The following KCNIP4 variants were observed in gnomAD, a reference collection of about 807,000 sequenced individuals.
KCNIP4 encodes the protein Kv channel-interacting protein 4.
In KCNIP4, 12 loss-of-function variants were observed where a neutral mutation model predicts 34.0. The observed-to-expected ratio is 0.35, with a 90% confidence interval of 0.23 to 0.57. The LOEUF is 0.57. Ranked by LOEUF, KCNIP4 falls within the 20% of genes least tolerant of loss-of-function variation. The pLI is 0.83. For missense variants in KCNIP4, 238 were observed against 311.7 expected (o/e 0.76, Z 1.78); for synonymous variants, 124 against 102.2 (o/e 1.21, Z -1.29).
rs114684969 is a variant in KCNIP4 at position 21,509,668 on chromosome 4, T to C, written c.61+438903A>G. 9.5e-3 allele frequency among the ~76,000 whole-genome samples: 1,452 copies of C among 152,304 alleles called. 20 individuals are homozygous for C. The highest frequency in any genetic ancestry group is 0.033 in the African/African-American group (1,382 of 41,562). ...GGCTGTTCCTGACTTAATGCCTACATAGCATATCCCTATCTTTAGCTCCTA... is the reference window on the plus strand; with the variant it reads ...GGCTGTTCCTGACTTAATGCCTACACAGCATATCCCTATCTTTAGCTCCTA... On this transcript the variant is annotated intron_variant, in intron 1 of 8. Transcript: ENST00000382152.
chr4:21,470,598 C>T (rs1730376990), intron 1 of KCNIP4, among the ~76,000 whole-genome samples: 1 of 152,074 alleles, frequency 6.6e-6, no homozygotes, highest in African/African-American at 2.4e-5. Flanking sequence ...TATGCTTTAA[C>T]CAAATAACCT....
chr4:21,481,420 G>A (rs1184078764), intron 1 of KCNIP4, among the ~76,000 whole-genome samples: 1 of 152,142 alleles, frequency 6.6e-6, no homozygotes, highest in African/African-American at 2.4e-5. Context: ...CAGGACCAGA[G>A]AGGGGGCTTA....
intron 1 of KCNIP4, among the ~76,000 whole-genome samples, chr4:21,220,843 T>C (rs1301486524): frequency 1.3e-5 from 2 of 152,152 alleles, no homozygotes; most frequent in Admixed American, 6.5e-5. Context: ...CTCATTGTTA[T>C]TGAAACCAGT....
chr4:21,435,805 T>C (rs1396297959), intron 1 of KCNIP4, among the ~76,000 whole-genome samples: 1 of 152,166 alleles, frequency 6.6e-6, no homozygotes, highest in Non-Finnish European at 1.5e-5. Context: ...AGGCACCTTG[T>C]TATCAACGAC....
chr4:21,138,624 T>C (rs556899079), intron 1 of KCNIP4, among the ~76,000 whole-genome samples: 7 of 152,186 alleles, frequency 4.6e-5, no homozygotes, highest in East Asian at 3.9e-4. Context: ...CCCCAAGAAC[T>C]ATGAAGATGT....
intron 3 of KCNIP4, among the ~76,000 whole-genome samples, chr4:20,770,978 TAAC>T (rs913899405): frequency 6.6e-6 from 1 of 152,122 alleles, no homozygotes; most frequent in Non-Finnish European, 1.5e-5. Flanking sequence ...AAAAACAATA[TAAC>T]AACTATTTAC....
chr4:21,090,151 T>C (rs763651220), intron 1 of KCNIP4, among the ~76,000 whole-genome samples: 2 of 152,184 alleles, frequency 1.3e-5, no homozygotes, highest in Non-Finnish European at 2.9e-5. Flanking sequence ...GTATAGCCTG[T>C]TCTCTTCCCT....
rs1725726280 is a variant in KCNIP4 at position 21,424,008 on chromosome 4, A to T, written c.61+524563T>A. Among the ~76,000 whole-genome samples the T allele has an allele frequency of 3.4e-5, 5 of 148,708 alleles. No individual in the cohort carries two copies. The South Asian group carries it at 1.1e-3, about 32-fold the overall frequency. The stretch of plus-strand genomic sequence containing the variant: ...TTTTCTTTTTGTATTTTTAGTAGAG[A>T]CTGGGTTTCACCATGTTGGTCAGGC... On this transcript the variant is annotated intron_variant, in intron 1 of 8. Transcript: ENST00000382152.
chr4:21,551,427 A>C (rs1425911410), intron 1 of KCNIP4, among the ~76,000 whole-genome samples: 8 of 152,102 alleles, frequency 5.3e-5, no homozygotes, highest in Admixed American at 5.3e-4. Flanking sequence ...TTGCCACTAC[A>C]ATACTAGAAA....
intron 1 of KCNIP4, among the ~76,000 whole-genome samples, chr4:21,213,819 C>G (rs1383590473): frequency 6.6e-6 from 1 of 152,196 alleles, no homozygotes; most frequent in Admixed American, 6.5e-5. Context: ...ACATCACAAC[C>G]TGCCTTTCAT....
At chr4:21,173,294 A>G (rs935513918) in intron 1 of KCNIP4, among the ~76,000 whole-genome samples, 3 of 152,168 alleles carry the variant, frequency 2.0e-5, no homozygotes, top group Non-Finnish European at 4.4e-5. Flanking sequence ...GTAAATATCC[A>G]CTACACTTCC....
Position 20,749,685 on chromosome 4 carries a change from GGTCT to G in KCNIP4, c.402_405del (p.Asp135ThrfsTer5). On this transcript the variant is annotated frameshift_variant, in exon 5 of 9. Coordinates refer to ENST00000382152, the MANE Select transcript of KCNIP4 (RefSeq NM_025221.6). LOFTEE classifies it high-confidence loss of function. ...ACCTCGAAACTCACAGCTCCATTGT[GGTCT>G]GTATCAAATGCATTGAACAGAAAAT... 1 of 1,608,450 alleles carries G rather than the reference GGTCT, an allele frequency of 6.2e-7. No individual in the cohort carries two copies. Among genetic ancestry groups the G allele is most frequent in the Non-Finnish European group, 8.5e-7 (1 of 1,175,850 alleles).
At chr4:21,549,040 G>A (rs1247412112) in intron 1 of KCNIP4, among the ~76,000 whole-genome samples, 1 of 151,680 alleles carries the variant, frequency 6.6e-6, no homozygotes, top group Non-Finnish European at 1.5e-5. Context: ...CTGGAGTTGG[G>A]ACTATCAAAA....
Position 21,035,331 on chromosome 4 carries a change from C to A in KCNIP4, c.62-152622G>T, listed in dbSNP as rs188844460. On this transcript the variant is annotated intron_variant, in intron 1 of 8. Coordinates refer to ENST00000382152, the MANE Select transcript of KCNIP4 (RefSeq NM_025221.6). Reference sequence around the variant, plus strand: ...ATATTTTAGGATTAGAATGTGACATCCTACTAATCATTCAAATGAAAAAGT... The same window carrying A: ...ATATTTTAGGATTAGAATGTGACATACTACTAATCATTCAAATGAAAAAGT... 2.9e-3 allele frequency among the ~76,000 whole-genome samples: 440 copies of A among 152,244 alleles called. 3 individuals carry two copies. Among genetic ancestry groups the A allele is most frequent in the Non-Finnish European group, 3.7e-3 (254 of 68,016 alleles).
intron 1 of KCNIP4, among the ~76,000 whole-genome samples, chr4:21,650,260 C>T (rs1255676320): frequency 6.6e-6 from 1 of 152,188 alleles, no homozygotes; most frequent in African/African-American, 2.4e-5. Flanking sequence ...AATTTTCTTT[C>T]ACCTTGGACT....
At chr4:20,934,788 A>T (rs555591379) in intron 1 of KCNIP4, among the ~76,000 whole-genome samples, 5 of 152,226 alleles carry the variant, frequency 3.3e-5, no homozygotes, top group African/African-American at 1.2e-4. Context: ...TATTATACTC[A>T]TAGAGCTGCC....
intron 1 of KCNIP4, among the ~76,000 whole-genome samples, chr4:21,105,656 G>A (rs1577699533): frequency 1.3e-5 from 2 of 151,594 alleles, no homozygotes; most frequent in Non-Finnish European, 2.9e-5. Context: ...GTGGGAGAGG[G>A]TATCCCTGTC....
intron 1 of KCNIP4, among the ~76,000 whole-genome samples, chr4:21,153,639 C>T (rs1000503260): frequency 6.6e-6 from 1 of 151,684 alleles, no homozygotes; most frequent in Non-Finnish European, 1.5e-5. Flanking sequence ...CAACAACATG[C>T]AAATCATAAA....
At chr4:21,078,588 A>C (rs891834241) in intron 1 of KCNIP4, among the ~76,000 whole-genome samples, 2 of 152,022 alleles carry the variant, frequency 1.3e-5, no homozygotes, top group African/African-American at 4.8e-5. Context: ...TATACTTTGG[A>C]GATTAGGAAC....
Sources: gnomAD v4.1 joint callset for allele counts (sites outside exome capture counted in the v4.1 genomes callset) on GRCh38, gnomAD v4.1.1 for gene constraint, MANE v1.5 for transcripts, NCBI Gene and HGNC (gene_info 2026-07-23, HGNC 2026-07-21) for gene names.